HYAL4: variants seen among roughly 807,000 people sequenced by gnomAD.
HYAL4 encodes hyaluronidase 4.
A neutral mutation model predicts 35.2 loss-of-function variants in HYAL4; 37 were observed. That is an observed-to-expected ratio of 1.05 (90% CI 0.81 to 1.38). HYAL4 has a LOEUF of 1.38. Ranked by LOEUF, HYAL4 falls within the 40% of genes most tolerant of loss-of-function variation. The pLI, the probability that HYAL4 is intolerant of heterozygous loss-of-function variation, is 0.00. For synonymous variants in HYAL4, 198 were observed against 203.2 expected, an observed-to-expected ratio of 0.97 and a Z score of 0.22; for missense variants, 572 against 572.4, an observed-to-expected ratio of 1.00 and a Z score of 0.01.
In HYAL4 at chr7:123,869,210, T is replaced by C. The variant is rs1311551978; in HGVS notation, c.937T>C (p.Leu313=). 2 of 1,596,524 alleles carry C rather than the reference T, an allele frequency of 1.3e-6. No individual in the cohort carries two copies. The highest frequency in any genetic ancestry group is 2.3e-5 in the South Asian group (2 of 88,714). The change falls in exon 3 of 5, where the codon TTA becomes CTA. Residue 313 remains leucine (L), a synonymous_variant. Coordinates refer to ENST00000223026, the MANE Select transcript of HYAL4 (RefSeq NM_012269.3). ...AAGGCTAGGGTACAGAGATGAACCTTTATTTTTCCTTTCTAAGGTAAGAAG... is the reference window on the plus strand; with the variant it reads ...AAGGCTAGGGTACAGAGATGAACCTCTATTTTTCCTTTCTAAGGTAAGAAG... ...YTRLGYRDEP[L]FFLSKQDLVS...
intron 4 of HYAL4, chr7:123,876,057 C>G (rs1443952046): frequency 2.2e-6 from 1 of 456,554 alleles, no homozygotes; most frequent in Non-Finnish European, 4.4e-6. Flanking sequence ...CCCTTGGTGG[C>G]TCGTCAGAAG....
At chr7:123,767,062 A>G in the HYAL4 span, among the ~76,000 whole-genome samples, 1 of 152,242 alleles carries the variant, frequency 6.6e-6, no homozygotes, top group Non-Finnish European at 1.5e-5. Flanking sequence ...TCACATTGAA[A>G]TAGTATTAAA....
the HYAL4 span, among the ~76,000 whole-genome samples, chr7:123,806,955 C>T: frequency 6.6e-6 from 1 of 152,138 alleles, no homozygotes; most frequent in Non-Finnish European, 1.5e-5. Context: ...AGTTATTCCA[C>T]AGGAAGTCCT....
At chr7:123,842,050 G>A (rs1806081607), upstream of HYAL4, among the ~76,000 whole-genome samples, 1 of 151,940 alleles carries the variant, frequency 6.6e-6, no homozygotes, top group Non-Finnish European at 1.5e-5. Context: ...TTTTGAATGT[G>A]TTTGCTCTTG....
At chr7:123,791,017 G>A in the HYAL4 span, among the ~76,000 whole-genome samples, 11 of 152,004 alleles carry the variant, frequency 7.2e-5, no homozygotes, top group Non-Finnish European at 1.3e-4. Flanking sequence ...CACCCGCCTC[G>A]GCCTCCCAAA....
chr7:123,839,353 A>G (rs1231569441), intron 1 of HYAL4, among the ~76,000 whole-genome samples: 1 of 152,128 alleles, frequency 6.6e-6, no homozygotes. Context: ...TCCATGGTGT[A>G]TATGTGCCAC....
chr7:123,777,121 G>A, the HYAL4 span, among the ~76,000 whole-genome samples: 3 of 151,930 alleles, frequency 2.0e-5, no homozygotes, highest in African/African-American at 4.8e-5. Context: ...GAAGCCATAC[G>A]CCACCACCAT....
intron 1 of HYAL4, among the ~76,000 whole-genome samples, chr7:123,835,306 G>C (rs1457726171): frequency 6.6e-6 from 1 of 152,062 alleles, no homozygotes; most frequent in African/African-American, 2.4e-5. Flanking sequence ...ATTTAAGCTA[G>C]GAGGGTGGTT....
rs536706786 is a variant in HYAL4, at chr7:123,837,236, A to G, written c.-256-7009A>G. On this transcript the variant is annotated intron_variant, in intron 1 of 4. Transcript: ENST00000489978. ...TAAGAGGGCTGAAGATAGGACCCCA[A>G]TCCCTTATAACTTGTAAGGTTTCTG... Among the ~76,000 whole-genome samples the G allele has an allele frequency of 8.5e-5, 13 of 152,262 alleles. No individual in the cohort carries two copies. In the East Asian group the frequency reaches 2.3e-3, roughly 27 times the overall value.
the HYAL4 span, among the ~76,000 whole-genome samples, chr7:123,784,979 T>G: frequency 1.3e-5 from 2 of 152,148 alleles, no homozygotes; most frequent in African/African-American, 4.8e-5. Context: ...AGAAGTGGTG[T>G]TTTTCTGATC....
intron 2 of HYAL4, among the ~76,000 whole-genome samples, chr7:123,865,936 G>C (rs1488120106): frequency 6.6e-6 from 1 of 152,144 alleles, no homozygotes; most frequent in East Asian, 1.9e-4. Context: ...CATCTTACAT[G>C]GTGGCTGGCA....
At chr7:123,812,363 G>A in the HYAL4 span, among the ~76,000 whole-genome samples, 1 of 151,922 alleles carries the variant, frequency 6.6e-6, no homozygotes. Flanking sequence ...TAAAATCTCA[G>A]CAGCATGTAG....
chr7:123,789,466 A>C, the HYAL4 span, among the ~76,000 whole-genome samples: 1 of 152,186 alleles, frequency 6.6e-6, no homozygotes, highest in Non-Finnish European at 1.5e-5. Context: ...AGGCAAATCA[A>C]CTGCTTCAAA....
chr7:123,783,104 G>A, the HYAL4 span, among the ~76,000 whole-genome samples: 1 of 152,026 alleles, frequency 6.6e-6, no homozygotes, highest in Admixed American at 6.6e-5. Flanking sequence ...TCTGCTTAAA[G>A]AAATTTTTTC....
chr7:123,869,239 C>T lies in HYAL4; in HGVS notation c.954+12C>T, dbSNP rs1359124517. The stretch of plus-strand genomic sequence containing the variant: ...TTTTCCTTTCTAAGGTAAGAAGCTT[C>T]TTGTCCAATGGTGGGGGATTTCCTC... On this transcript the variant is annotated intron_variant, in intron 3 of 4. Coordinates refer to ENST00000223026, the MANE Select transcript of HYAL4 (RefSeq NM_012269.3). The T allele has an allele frequency of 1.3e-6, 2 of 1,529,348 alleles. No individual in the cohort carries two copies. Among genetic ancestry groups the T allele is most frequent in the South Asian group, 2.4e-5 (2 of 83,102 alleles). 94.7% of individuals were successfully genotyped at this position (1,529,348 alleles called of 1,614,324 possible).
At chr7:123,791,011 C>A in the HYAL4 span, among the ~76,000 whole-genome samples, 3 of 152,060 alleles carry the variant, frequency 2.0e-5, no homozygotes, top group Non-Finnish European at 2.9e-5. Context: ...GTGATCCACC[C>A]GCCTCGGCCT....
chr7:123,808,418 CGTGTGTGTGT>C, the HYAL4 span, among the ~76,000 whole-genome samples: 1,828 of 142,674 alleles, frequency 0.013, 12 homozygotes, highest in Non-Finnish European at 0.014. Context: ...TGTATCATCA[CGTGTGTGTGT>C]GTGTGTGTGT....
intron 2 of HYAL4, among the ~76,000 whole-genome samples, chr7:123,866,504 G>T (rs1295040471): frequency 6.6e-6 from 1 of 152,080 alleles, no homozygotes; most frequent in Non-Finnish European, 1.5e-5. Flanking sequence ...GTGCAGAATT[G>T]ACTACTGAGG....
At chr7:123,873,596 A>G (rs968163539) in intron 3 of HYAL4, among the ~76,000 whole-genome samples, 17 of 152,194 alleles carry the variant, frequency 1.1e-4, no homozygotes, top group Admixed American at 8.5e-4. Flanking sequence ...TAATTGGTAG[A>G]AATTCACCCT....
Sources: allele counts gnomAD v4.1 joint callset (sites outside exome capture counted in the v4.1 genomes callset), GRCh38; gene constraint gnomAD v4.1.1; transcripts MANE v1.5; gene names NCBI Gene and HGNC (gene_info 2026-07-23, HGNC 2026-07-21).